The following LRRC4C variants were observed in gnomAD, a reference collection of about 807,000 sequenced individuals.
LRRC4C encodes the protein leucine rich repeat containing 4C, also known as leucine-rich repeat-containing protein 4C.
In LRRC4C, 5 loss-of-function variants were observed where a neutral mutation model predicts 33.6. The observed-to-expected ratio is 0.15, with a 90% CI of 0.08 to 0.31. The LOEUF (loss-of-function observed/expected upper bound fraction) is 0.31, where lower values mean the gene tolerates loss of function less well. Ranked by LOEUF, LRRC4C falls within the 10% of genes least tolerant of loss-of-function variation. The pLI is 1.00. For synonymous variants in LRRC4C, 329 were observed against 302.0 expected, an observed-to-expected ratio of 1.09 and a Z score of -0.93; for missense variants, 560 against 796.7, an observed-to-expected ratio of 0.70 and a Z score of 3.58.
At chr11:40,895,516 G>A (rs1955900052) in intron 2 of LRRC4C, among the ~76,000 whole-genome samples, 1 of 152,084 alleles carries the variant, frequency 6.6e-6, no homozygotes, top group Non-Finnish European at 1.5e-5. Flanking sequence ...CAGCCCCAGG[G>A]CTTCTGAATT....
At chr11:41,175,460 C>T (rs1476107770) in intron 1 of LRRC4C, among the ~76,000 whole-genome samples, 2 of 152,000 alleles carry the variant, frequency 1.3e-5, no homozygotes, top group Admixed American at 6.6e-5. Context: ...TACTGGCATT[C>T]AAGGATCCAG....
chr11:40,171,982 A>G (rs1377736667), intron 5 of LRRC4C, among the ~76,000 whole-genome samples: 3 of 152,062 alleles, frequency 2.0e-5, no homozygotes, highest in Non-Finnish European at 4.4e-5. Context: ...GCACCACTGC[A>G]CTCCGGCCTG....
intron 1 of LRRC4C, among the ~76,000 whole-genome samples, chr11:41,107,959 AGG>A: frequency 6.9e-6 from 1 of 144,044 alleles, no homozygotes; most frequent in South Asian, 2.2e-4. Flanking sequence ...AGAGAAGAGA[AGG>A]GAGAGGGGAG....
intron 1 of LRRC4C, among the ~76,000 whole-genome samples, chr11:41,328,394 T>C (rs538187158): frequency 6.6e-6 from 1 of 152,208 alleles, no homozygotes; most frequent in African/African-American, 2.4e-5. Context: ...GAATCCTGTC[T>C]CCCCTAGGTC....
intron 1 of LRRC4C, among the ~76,000 whole-genome samples, chr11:41,205,395 GA>G: frequency 6.6e-6 from 1 of 152,272 alleles, no homozygotes; most frequent in South Asian, 2.1e-4. Flanking sequence ...GGGGGCTCCT[GA>G]AATCTTCAAG....
intron 3 of LRRC4C, among the ~76,000 whole-genome samples, chr11:40,574,003 G>T (rs77398604): frequency 2.0e-5 from 3 of 152,000 alleles, no homozygotes; most frequent in Admixed American, 2.0e-4. Flanking sequence ...ATTTGATTAC[G>T]GTGTTAAAGT....
At chr11:41,237,325 A>G (rs889853390) in intron 1 of LRRC4C, among the ~76,000 whole-genome samples, 3 of 152,220 alleles carry the variant, frequency 2.0e-5, no homozygotes, top group Admixed American at 6.5e-5. Flanking sequence ...AGTAGTATTC[A>G]GGAATTAATG....
intron 1 of LRRC4C, among the ~76,000 whole-genome samples, chr11:41,322,323 T>C (rs1950982062): frequency 6.6e-6 from 1 of 152,170 alleles, no homozygotes; most frequent in South Asian, 2.1e-4. Flanking sequence ...CTTATAGTTT[T>C]TGAATACCAC....
chr11:40,271,955 T>C (rs1942735858), intron 4 of LRRC4C, among the ~76,000 whole-genome samples: 1 of 152,166 alleles, frequency 6.6e-6, no homozygotes, highest in African/African-American at 2.4e-5. Flanking sequence ...TACTACCATT[T>C]GGTCTATGTT....
At chr11:41,318,187 T>C (rs748315291) in intron 1 of LRRC4C, among the ~76,000 whole-genome samples, 140 of 152,252 alleles carry the variant, frequency 9.2e-4, no homozygotes, top group Non-Finnish European at 8.8e-4. Context: ...TGAGAACAGG[T>C]ATTTGCTAAA....
At position 40,718,138 on chromosome 11, in the gene LRRC4C, G is replaced by T. The variant is rs191401138; in HGVS notation, c.-406-69860C>A. On this transcript the variant is annotated intron_variant, in intron 2 of 6. Transcript: ENST00000528697. ...GGATGCCTATGTAATCATTTCTGAA[G>T]AATTTCAAATAAATTGGTATGCCTG... Among the ~76,000 whole-genome samples, 6 of 152,242 alleles carry T rather than the reference G, an allele frequency of 3.9e-5. No individual in the cohort carries two copies. The East Asian group carries it at 1.2e-3, about 29-fold the overall frequency.
intron 3 of LRRC4C, among the ~76,000 whole-genome samples, chr11:40,554,814 C>T (rs1360697283): frequency 6.9e-6 from 1 of 145,382 alleles, no homozygotes; most frequent in Non-Finnish European, 1.5e-5. Context: ...CTCCGCCTCC[C>T]GGGTTCACGC....
intron 3 of LRRC4C, among the ~76,000 whole-genome samples, chr11:40,582,136 G>A (rs571120058): frequency 6.6e-6 from 1 of 152,208 alleles, no homozygotes; most frequent in South Asian, 2.1e-4. Context: ...GTGAATACAT[G>A]TGTTTCCAAA....
intron 4 of LRRC4C, among the ~76,000 whole-genome samples, chr11:40,315,781 T>C (rs1225249770): frequency 6.6e-6 from 1 of 151,932 alleles, no homozygotes; most frequent in Non-Finnish European, 1.5e-5. Flanking sequence ...AACATATAGG[T>C]CTCTGACAGG....
At position 41,015,609 on chromosome 11, in the gene LRRC4C, G is replaced by A. The variant is rs139049758; in HGVS notation, c.-495-81886C>T. On this transcript the variant is annotated intron_variant, in intron 1 of 6. Coordinates refer to ENST00000528697, the MANE Select transcript of LRRC4C (RefSeq NM_001258419.2). Reference sequence around the variant, plus strand: ...GATTACAGGCGTGAGCCACTGAGCCGGGCCTGATAATCTGTAGGTATTTAT... The same window carrying A: ...GATTACAGGCGTGAGCCACTGAGCCAGGCCTGATAATCTGTAGGTATTTAT... Among the ~76,000 whole-genome samples the A allele has an allele frequency of 2.2e-3, 331 of 152,238 alleles. 2 individuals carry two copies. The highest frequency in any genetic ancestry group is 7.2e-3 in the African/African-American group (300 of 41,548).
At chr11:40,830,511 C>T (rs1222967213) in intron 2 of LRRC4C, among the ~76,000 whole-genome samples, 1 of 151,912 alleles carries the variant, frequency 6.6e-6, no homozygotes, top group African/African-American at 2.4e-5. Context: ...GAGTGGTAGC[C>T]CTCCATTTCT....
At chr11:40,183,575 A>G (rs1382154221) in intron 5 of LRRC4C, among the ~76,000 whole-genome samples, 3 of 152,188 alleles carry the variant, frequency 2.0e-5, no homozygotes. Flanking sequence ...ATTGCAGTTT[A>G]TGGACTGGAA....
chr11:41,210,425 C>T (rs1055619182), intron 1 of LRRC4C, among the ~76,000 whole-genome samples: 5 of 152,128 alleles, frequency 3.3e-5, no homozygotes, highest in Non-Finnish European at 1.5e-5. Context: ...TGCCTGCCAC[C>T]ATGTAAGACA....
chr11:41,171,925 A>G (rs1398524578), intron 1 of LRRC4C, among the ~76,000 whole-genome samples: 1 of 152,046 alleles, frequency 6.6e-6, no homozygotes, highest in African/African-American at 2.4e-5. Flanking sequence ...CAGTTACGGC[A>G]TCTCACCTCA....
Sources: allele counts gnomAD v4.1 joint callset (sites outside exome capture counted in the v4.1 genomes callset), GRCh38; gene constraint gnomAD v4.1.1; transcripts MANE v1.5; gene names NCBI Gene and HGNC (gene_info 2026-07-23, HGNC 2026-07-21).